The following APBA2 variants were observed in gnomAD, a reference collection of about 807,000 sequenced individuals.
APBA2 encodes the protein amyloid-beta A4 precursor protein-binding family A member 2.
A neutral mutation model predicts 75.0 loss-of-function variants in APBA2; 30 were observed. The ratio of observed to expected loss-of-function variants is 0.40; its 90% confidence interval spans 0.30 to 0.54. APBA2 has a LOEUF of 0.54. Ranked by LOEUF, APBA2 falls within the 20% of genes least tolerant of loss-of-function variation. The pLI is 0.49. For missense variants in APBA2, 801 were observed against 1,016.1 expected, an observed-to-expected ratio of 0.79 and a Z score of 2.88; for synonymous variants, 444 against 409.6, an observed-to-expected ratio of 1.08 and a Z score of -1.01.
chr15:29,064,363 A>C (rs1045111691), intron 4 of APBA2, among the ~76,000 whole-genome samples: 3 of 152,298 alleles, frequency 2.0e-5, no homozygotes, highest in African/African-American at 7.2e-5. Flanking sequence ...GGCCCTTGCA[A>C]ATTGGCACCT....
Position 29,046,205 on chromosome 15 carries a change from G to A in APBA2, c.-40-7640G>A, listed in dbSNP as rs1026102293. ...AAGGCAATGTGTTAGTTCCTTGCAG[G>A]AATATGCTTTTAGTGAACTCAATGA... On this transcript the variant is annotated intron_variant, in intron 3 of 14. Coordinates refer to ENST00000683413, the MANE Select transcript of APBA2 (RefSeq NM_001353788.2). The surrounding 1 kb of genome is among the most constrained non-coding windows in gnomAD (Gnocchi z 5.0). Among the ~76,000 whole-genome samples the A allele has an allele frequency of 6.6e-6, 1 of 152,190 alleles. No homozygotes were observed. The highest frequency in any genetic ancestry group is 2.4e-5 in the African/African-American group (1 of 41,450).
chr15:28,974,482 A>G (rs751756473), intron 2 of APBA2, among the ~76,000 whole-genome samples: 6 of 152,236 alleles, frequency 3.9e-5, no homozygotes, highest in East Asian at 1.9e-4. Context: ...AATAGGGAAT[A>G]CAACTTTGTT....
Position 29,053,855 on chromosome 15 carries a change from C to A in APBA2, c.-30C>A. Reference sequence around the variant, plus strand: ...TGTTCCTCCCCACAGTGGCTGCCTCCGGGTGATGATGGCTGTGTGAACGAC... The same window carrying A: ...TGTTCCTCCCCACAGTGGCTGCCTCAGGGTGATGATGGCTGTGTGAACGAC... On this transcript the variant is annotated 5_prime_UTR_variant, in exon 4 of 15. Coordinates refer to ENST00000683413, the MANE Select transcript of APBA2 (RefSeq NM_001353788.2). 6.3e-7 allele frequency: 1 copy of A among 1,596,136 alleles called. No individual in the cohort carries two copies. Among genetic ancestry groups the A allele is most frequent in the South Asian group, 1.1e-5 (1 of 89,332 alleles).
intron 1 of APBA2, among the ~76,000 whole-genome samples, chr15:28,920,551 CT>C (rs777123287): frequency 2.0e-5 from 3 of 152,208 alleles, no homozygotes; most frequent in Non-Finnish European, 4.4e-5. Flanking sequence ...GACACTACTC[CT>C]TCTTGTGCTT....
intron 3 of APBA2, among the ~76,000 whole-genome samples, chr15:29,042,138 C>T (rs1223044806): frequency 6.6e-6 from 1 of 152,168 alleles, no homozygotes; most frequent in Non-Finnish European, 1.5e-5. Context: ...TAGTTTAGAG[C>T]CCTGCCTTCA....
chr15:29,022,427 G>A (rs191287153), intron 3 of APBA2, among the ~76,000 whole-genome samples: 1 of 152,150 alleles, frequency 6.6e-6, no homozygotes, highest in East Asian at 1.9e-4. Context: ...CTTATACTGA[G>A]TATCTAACAT....
chr15:28,909,591 G>T (rs1595436953), intron 1 of APBA2, among the ~76,000 whole-genome samples: 1 of 152,182 alleles, frequency 6.6e-6, no homozygotes, highest in East Asian at 1.9e-4. Context: ...CTCTGTGAGG[G>T]TTGGGTGGAC....
intron 2 of APBA2, among the ~76,000 whole-genome samples, chr15:28,944,142 C>T (rs553020048): frequency 5.3e-5 from 8 of 152,246 alleles, no homozygotes; most frequent in African/African-American, 7.2e-5. Flanking sequence ...CTGATGGCTG[C>T]GACTGCTTTC....
intron 10 of APBA2, among the ~76,000 whole-genome samples, chr15:29,104,297 C>T (rs1319526361): frequency 6.6e-6 from 1 of 152,214 alleles, no homozygotes; most frequent in Non-Finnish European, 1.5e-5. Flanking sequence ...AAGGAGGGCT[C>T]ACACAGCCCA....
chr15:28,914,992 ACATAT>A (rs2033599118), intron 1 of APBA2, among the ~76,000 whole-genome samples: 5 of 149,602 alleles, frequency 3.3e-5, no homozygotes, highest in South Asian at 2.1e-4. Flanking sequence ...CACGCCACAC[ACATAT>A]CATACCCACC....
At chr15:28,922,395 C>T (rs2034018086) in intron 2 of APBA2, among the ~76,000 whole-genome samples, 1 of 152,214 alleles carries the variant, frequency 6.6e-6, no homozygotes, top group African/African-American at 2.4e-5. Context: ...AGTTAGTCCC[C>T]ACAAGGCGAT....
intron 3 of APBA2, among the ~76,000 whole-genome samples, chr15:29,006,599 G>A (rs2039129569): frequency 6.6e-6 from 1 of 152,174 alleles, no homozygotes; most frequent in Non-Finnish European, 1.5e-5. Context: ...AATCATGGTT[G>A]AAGATGAAGG....
chr15:29,001,834 G>T (rs2038864096), intron 3 of APBA2, among the ~76,000 whole-genome samples: 2 of 152,162 alleles, frequency 1.3e-5, no homozygotes, highest in South Asian at 2.1e-4. Flanking sequence ...AATGGGTTAA[G>T]AAAGTAGCAC....
chr15:28,916,371 AGAG>A (rs1224784006), intron 1 of APBA2, among the ~76,000 whole-genome samples: 26 of 152,236 alleles, frequency 1.7e-4, no homozygotes, highest in African/African-American at 4.8e-5. Context: ...CCCAGCTAGA[AGAG>A]GAGACCTTCA....
chr15:28,955,005 G>A (rs1197590758), intron 2 of APBA2, among the ~76,000 whole-genome samples: 1 of 152,094 alleles, frequency 6.6e-6, no homozygotes, highest in East Asian at 1.9e-4. Flanking sequence ...AGGCATAGCC[G>A]GCCCACCCCC....
At position 28,968,051 on chromosome 15, in the gene APBA2, T is replaced by G. The variant is rs532913355; in HGVS notation, c.-94-27702T>G. On this transcript the variant is annotated intron_variant, in intron 2 of 14. Transcript: ENST00000683413. ...CGTAAGTGGAATCCTACAATATTTT[T>G]GTGCGTGACTGACTTCTTTCCCTTA... Among the ~76,000 whole-genome samples the G allele has an allele frequency of 2.0e-4, 31 of 152,382 alleles. No homozygotes were observed. In the South Asian group the frequency reaches 5.4e-3, roughly 26 times the overall value.
chr15:28,893,653 C>T (rs1447900156), intron 1 of APBA2, among the ~76,000 whole-genome samples: 1 of 152,122 alleles, frequency 6.6e-6, no homozygotes, highest in Admixed American at 6.5e-5. Context: ...CCTTTGAGTC[C>T]TAAGGTTCAG....
At chr15:28,925,315 C>G (rs1181136762) in intron 2 of APBA2, among the ~76,000 whole-genome samples, 3 of 152,104 alleles carry the variant, frequency 2.0e-5, no homozygotes, top group African/African-American at 7.2e-5. Flanking sequence ...TTGTTTGCTC[C>G]TGAGAGGCAG....
chr15:28,956,801 C>T (rs1414991590), intron 2 of APBA2, among the ~76,000 whole-genome samples: 4 of 152,148 alleles, frequency 2.6e-5, no homozygotes, highest in Admixed American at 6.5e-5. Flanking sequence ...TCAGGTGCCT[C>T]GTATGAGAGC....
Sources: gnomAD v4.1 joint callset for allele counts (sites outside exome capture counted in the v4.1 genomes callset) on GRCh38, gnomAD v4.1.1 for gene constraint, Gnocchi (gnomAD v3.1) non-coding constraint, MANE v1.5 for transcripts, NCBI Gene and HGNC (gene_info 2026-07-23, HGNC 2026-07-21) for gene names.